Variants in ISY1 observed in about 807,000 individuals in gnomAD.
ISY1 encodes the protein ISY1 spliceosome associated protein.
In ISY1, 12 loss-of-function variants were observed where a neutral mutation model predicts 54.4. The ratio of observed to expected loss-of-function variants is 0.22; its 90% CI spans 0.14 to 0.36. The LOEUF is 0.36. ISY1 is among the 10% of genes least tolerant of loss of function. ISY1 has a pLI of 1.00. For missense variants in ISY1, 282 were observed against 342.2 expected, an observed-to-expected ratio of 0.82 and a Z score of 1.39; for synonymous variants, 96 against 117.9, an observed-to-expected ratio of 0.81 and a Z score of 1.20.
intron 3 of ISY1, 130 bp downstream of exon 3, chr3:129,158,378 C>T (rs1328964617): frequency 3.1e-6 from 4 of 1,310,124 alleles, no homozygotes; most frequent in Non-Finnish European, 4.3e-6. Flanking sequence ...AGACTGGTCT[C>T]AAACTCCTAG....
At chr3:129,135,680 C>T (rs889581575) in intron 7 of ISY1, among the ~76,000 whole-genome samples, 18 of 151,604 alleles carry the variant, frequency 1.2e-4, no homozygotes, top group African/African-American at 3.9e-4. Flanking sequence ...GCAGGAGAAT[C>T]GCTTGAACCC....
At chr3:129,142,920 T>C (rs566000044) in intron 6 of ISY1, among the ~76,000 whole-genome samples, 95 of 151,762 alleles carry the variant, frequency 6.3e-4, no homozygotes, top group African/African-American at 1.8e-3. Flanking sequence ...CTGGGCGTGG[T>C]GGTGGGCACC....
At chr3:129,150,880 T>C (rs1288053540) in intron 5 of ISY1, among the ~76,000 whole-genome samples, 3 of 151,846 alleles carry the variant, frequency 2.0e-5, no homozygotes, top group Non-Finnish European at 4.4e-5. Flanking sequence ...CCCAGTACTT[T>C]GGGAGGCTGA....
chr3:129,153,053 A>C (rs1937025739), intron 5 of ISY1, among the ~76,000 whole-genome samples: 1 of 141,546 alleles, frequency 7.1e-6, no homozygotes, highest in Non-Finnish European at 1.5e-5. Context: ...TCTGTCACCC[A>C]GGCTGGAGTG....
At chr3:129,155,192 ATATG>A (rs1197085737) in intron 5 of ISY1, among the ~76,000 whole-genome samples, 7 of 151,142 alleles carry the variant, frequency 4.6e-5, no homozygotes, top group Non-Finnish European at 8.8e-5. Flanking sequence ...TCAGTGCTAT[ATATG>A]TATTTTTTGT....
At chr3:129,133,587 G>A (rs1036816830) in intron 9 of ISY1, among the ~76,000 whole-genome samples, 11 of 152,178 alleles carry the variant, frequency 7.2e-5, no homozygotes, top group African/African-American at 2.7e-4. Context: ...CCAGCTACTT[G>A]GGAGGTTGAG....
At chr3:129,148,155 T>C (rs1227571292) in intron 5 of ISY1, among the ~76,000 whole-genome samples, 1 of 152,136 alleles carries the variant, frequency 6.6e-6, no homozygotes, top group Non-Finnish European at 1.5e-5. Context: ...CTACTGAGTA[T>C]TATTTTATTT....
At chr3:129,157,700 G>T (rs767579901) in intron 3 of ISY1, among the ~76,000 whole-genome samples, 3 of 123,156 alleles carry the variant, frequency 2.4e-5, no homozygotes, top group Non-Finnish European at 4.8e-5. Context: ...CAGCCTGAGC[G>T]ACAGAGCGTC....
At chr3:129,145,105 C>G (rs62265339) in intron 6 of ISY1, among the ~76,000 whole-genome samples, 180 of 152,164 alleles carry the variant, frequency 1.2e-3, no homozygotes, top group Admixed American at 3.7e-3. Context: ...GATTCAGGGT[C>G]CCACAACACT....
intron 1 of ISY1, 54 bp downstream of exon 1, chr3:129,160,919 C>CGGGGGGGGGGGGGGGGGG: frequency 2.3e-6 from 1 of 428,610 alleles, no homozygotes; most frequent in Non-Finnish European, 4.6e-6. Context: ...GGACTGGGCG[C>CGGGGGGGGGGGGGGGGGG]CCCCCCGCCC....
At position 129,156,837 on chromosome 3, in the gene ISY1, G is replaced by C; in HGVS notation, c.144+18C>G. ...AGACTTGTTACTTCTACTGAAATCA[G>C]ATTTACCCAGAACATACCTGTCGTC... On this transcript the variant is annotated intron_variant, in intron 4 of 10. Transcript: ENST00000393295. 1 of 1,610,294 alleles carries C rather than the reference G, an allele frequency of 6.2e-7. No individual in the cohort carries two copies. Among genetic ancestry groups the C allele is most frequent in the Non-Finnish European group, 8.5e-7 (1 of 1,178,988 alleles).
chr3:129,156,795 T>A, intron 4 of ISY1, 60 bp downstream of exon 4: 1 of 1,587,866 alleles, frequency 6.3e-7, no homozygotes, highest in Non-Finnish European at 8.6e-7. Flanking sequence ...GTCATTTAGA[T>A]AATAAGAAGA....
chr3:129,152,895 T>C (rs926048648), intron 5 of ISY1, among the ~76,000 whole-genome samples: 1 of 152,140 alleles, frequency 6.6e-6, no homozygotes, highest in South Asian at 2.1e-4. Flanking sequence ...GGAAACTATG[T>C]GGAGTTGGTA....
intron 5 of ISY1, among the ~76,000 whole-genome samples, chr3:129,154,025 G>A (rs998614960): frequency 1.3e-5 from 2 of 151,696 alleles, no homozygotes; most frequent in Non-Finnish European, 1.5e-5. Context: ...GGCGGATCAC[G>A]AGGTCAGGAG....
At chr3:129,142,248 T>C (rs1305862722) in intron 6 of ISY1, among the ~76,000 whole-genome samples, 1 of 150,062 alleles carries the variant, frequency 6.7e-6, no homozygotes, top group Non-Finnish European at 1.5e-5. Context: ...CTACATGTAG[T>C]ATGTGACCCC....
At chr3:129,134,723 A>G (rs1322451160) in intron 8 of ISY1, 109 bp downstream of exon 8, 3 of 1,397,676 alleles carry the variant, frequency 2.1e-6, no homozygotes, top group East Asian at 2.9e-5. Context: ...ATCATTAGCA[A>G]CAAAGAAAAC....
chr3:129,132,151 G>C (rs1161394693), intron 9 of ISY1, among the ~76,000 whole-genome samples: 4 of 152,164 alleles, frequency 2.6e-5, no homozygotes, highest in African/African-American at 7.2e-5. Flanking sequence ...GGATTGTCAT[G>C]ATGGCCACAT....
Position 129,129,888 on chromosome 3 carries a change from C to G in ISY1, c.*193G>C. 2.2e-6 allele frequency: 1 copy of G among 453,150 alleles called. No individual in the cohort carries two copies. Among genetic ancestry groups the G allele is most frequent in the East Asian group, 3.4e-5 (1 of 29,638 alleles). The allele number at this position is 453,150 out of a possible 1,614,324, so 28.1% of individuals were successfully genotyped here. On this transcript the variant is annotated 3_prime_UTR_variant, in exon 11 of 11. Transcript: ENST00000393295. ...AAAAATAAATGGATCCACACAGTAG[C>G]AAAATATGTGTACAAAACCTACCAG...
At chr3:129,143,929 T>C (rs1936699599) in intron 6 of ISY1, 2 of 167,396 alleles carry the variant, frequency 1.2e-5, no homozygotes, top group Non-Finnish European at 2.6e-5. Context: ...AACTTAGTGG[T>C]AATATATTAC....
Sources: gnomAD v4.1 joint callset for allele counts (sites outside exome capture counted in the v4.1 genomes callset) on GRCh38, gnomAD v4.1.1 for gene constraint, MANE v1.5 for transcripts, NCBI Gene and HGNC (gene_info 2026-07-23, HGNC 2026-07-21) for gene names.